KCND2: variants seen among roughly 807,000 people sequenced by gnomAD.
The protein encoded by KCND2 is potassium voltage-gated channel subfamily D member 2, also known as A-type voltage-gated potassium channel KCND2.
A neutral mutation model predicts 54.4 loss-of-function variants in KCND2; 16 were observed. The ratio of observed to expected loss-of-function variants is 0.29; its 90% CI spans 0.20 to 0.45. The LOEUF (loss-of-function observed/expected upper bound fraction) is 0.45, where lower values mean the gene tolerates loss of function less well. Ranked by LOEUF, KCND2 falls within the 20% of genes least tolerant of loss-of-function variation. KCND2 has a pLI of 1.00. For missense variants in KCND2, 486 were observed against 824.2 expected, an observed-to-expected ratio of 0.59 and a Z score of 5.02; for synonymous variants, 317 against 310.7, an observed-to-expected ratio of 1.02 and a Z score of -0.21.
At chr7:120,512,863 C>T (rs910132848) in intron 1 of KCND2, among the ~76,000 whole-genome samples, 2 of 149,128 alleles carry the variant, frequency 1.3e-5, no homozygotes, top group African/African-American at 5.0e-5. Context: ...GGTGCTATCT[C>T]AGCTCACTGC....
chr7:120,688,606 C>G (rs1792232867), intron 1 of KCND2, among the ~76,000 whole-genome samples: 1 of 152,136 alleles, frequency 6.6e-6, no homozygotes, highest in Non-Finnish European at 1.5e-5. Flanking sequence ...GCAAATTAAG[C>G]TGCCACGGAT....
At chr7:120,445,825 T>A (rs115128745) in intron 1 of KCND2, among the ~76,000 whole-genome samples, 222 of 152,238 alleles carry the variant, frequency 1.5e-3, no homozygotes, top group African/African-American at 5.0e-3. Flanking sequence ...TTTTGAGGAC[T>A]TGATTTGTAA....
intron 1 of KCND2, among the ~76,000 whole-genome samples, chr7:120,578,057 G>C (rs984110362): frequency 1.3e-5 from 2 of 151,808 alleles, no homozygotes; most frequent in African/African-American, 2.4e-5. Context: ...AGAAGAAGAA[G>C]AAGAAGAACA....
intron 1 of KCND2, among the ~76,000 whole-genome samples, chr7:120,710,931 T>C (rs1423583447): frequency 6.6e-6 from 1 of 152,152 alleles, no homozygotes; most frequent in Non-Finnish European, 1.5e-5. Flanking sequence ...TTTTCATTAG[T>C]CATTTAGCTC....
At chr7:120,447,748 A>G (rs1392999059) in intron 1 of KCND2, among the ~76,000 whole-genome samples, 1 of 152,218 alleles carries the variant, frequency 6.6e-6, no homozygotes, top group East Asian at 1.9e-4. Context: ...CATAATTAGT[A>G]TTCTCAAATG....
At chr7:120,500,985 G>A (rs1457077492) in intron 1 of KCND2, among the ~76,000 whole-genome samples, 1 of 150,814 alleles carries the variant, frequency 6.6e-6, no homozygotes, top group African/African-American at 2.4e-5. Flanking sequence ...TGTCCTTTTT[G>A]TGTGAAAAAA....
Position 120,529,210 on chromosome 7 carries a change from C to T in KCND2, c.1116-203693C>T, listed in dbSNP as rs191514626. Among the ~76,000 whole-genome samples the T allele has an allele frequency of 1.5e-3, 228 of 152,202 alleles. 1 individual carries two copies. The highest frequency in any genetic ancestry group is 3.3e-3 in the Admixed American group (51 of 15,278). Reference sequence around the variant, plus strand: ...ACCCCTCTTGAGGTTCCCACAATCTCAGTTGTATTAAGGTTTGAGATTAGA... The same window carrying T: ...ACCCCTCTTGAGGTTCCCACAATCTTAGTTGTATTAAGGTTTGAGATTAGA... On this transcript the variant is annotated intron_variant, in intron 1 of 5. Coordinates refer to ENST00000331113, the MANE Select transcript of KCND2 (RefSeq NM_012281.3).
intron 1 of KCND2, among the ~76,000 whole-genome samples, chr7:120,566,289 C>T (rs1016515588): frequency 6.6e-6 from 1 of 152,104 alleles, no homozygotes; most frequent in African/African-American, 2.4e-5. Flanking sequence ...ATTAATACAT[C>T]TTTTAAAATA....
chr7:120,485,126 G>T (rs1357066864), intron 1 of KCND2, among the ~76,000 whole-genome samples: 1 of 152,142 alleles, frequency 6.6e-6, no homozygotes, highest in Non-Finnish European at 1.5e-5. Flanking sequence ...GGGCTCAAGT[G>T]ATCCTCCAGC....
At chr7:120,385,413 A>T (rs1336842846) in intron 1 of KCND2, among the ~76,000 whole-genome samples, 1 of 152,144 alleles carries the variant, frequency 6.6e-6, no homozygotes, top group Non-Finnish European at 1.5e-5. Flanking sequence ...CTAGGGACTT[A>T]GTAAATGTTG....
At chr7:120,678,259 T>C (rs553238274) in intron 1 of KCND2, among the ~76,000 whole-genome samples, 35 of 150,802 alleles carry the variant, frequency 2.3e-4, no homozygotes, top group Admixed American at 2.2e-3. Context: ...CCCAATTTCC[T>C]GTATGCATTC....
At chr7:120,502,545 A>T (rs1562857084) in intron 1 of KCND2, among the ~76,000 whole-genome samples, 1 of 152,052 alleles carries the variant, frequency 6.6e-6, no homozygotes, top group Non-Finnish European at 1.5e-5. Flanking sequence ...TCCTTCAGCA[A>T]CATCCAGGAA....
intron 1 of KCND2, among the ~76,000 whole-genome samples, chr7:120,431,491 G>T (rs1340834362): frequency 6.6e-6 from 1 of 152,142 alleles, no homozygotes; most frequent in African/African-American, 2.4e-5. Flanking sequence ...TAGTGAAGGT[G>T]GGCTTGCTGA....
chr7:120,565,677 A>G (rs1445615322), intron 1 of KCND2, among the ~76,000 whole-genome samples: 1 of 152,188 alleles, frequency 6.6e-6, no homozygotes, highest in Non-Finnish European at 1.5e-5. Flanking sequence ...GTGCATATCT[A>G]TTAAGTCAGT....
intron 1 of KCND2, among the ~76,000 whole-genome samples, chr7:120,402,510 C>T (rs1362218858): frequency 6.6e-6 from 1 of 152,052 alleles, no homozygotes; most frequent in Non-Finnish European, 1.5e-5. Flanking sequence ...TTGAAGGAGG[C>T]AGTATCAAGT....
chr7:120,636,604 A>G (rs989707902), intron 1 of KCND2, among the ~76,000 whole-genome samples: 1 of 152,066 alleles, frequency 6.6e-6, no homozygotes, highest in Non-Finnish European at 1.5e-5. Context: ...TTACCAAGTG[A>G]AGCTGTACTT....
intron 1 of KCND2, among the ~76,000 whole-genome samples, chr7:120,342,565 T>C (rs775355324): frequency 3.9e-5 from 6 of 152,174 alleles, no homozygotes; most frequent in Non-Finnish European, 7.4e-5. Flanking sequence ...TTGTATTGTA[T>C]ATTACAACAT....
At chr7:120,428,387 A>C (rs1341747054) in intron 1 of KCND2, among the ~76,000 whole-genome samples, 1 of 152,222 alleles carries the variant, frequency 6.6e-6, no homozygotes, top group Non-Finnish European at 1.5e-5. Context: ...ACTAAGTGTT[A>C]ACTAAGGTGA....
rs145338258 is a variant in KCND2 at position 120,583,858 on chromosome 7, G to T, written c.1116-149045G>T. ...TGTGTGAAAAAAAGCAATATAGAAA[G>T]AGAAGAGAGACATTAAACTTTGAGG... On this transcript the variant is annotated intron_variant, in intron 1 of 5. Coordinates refer to ENST00000331113, the MANE Select transcript of KCND2 (RefSeq NM_012281.3). Among the ~76,000 whole-genome samples the T allele has an allele frequency of 4.6e-3, 704 of 151,722 alleles. 2 individuals carry two copies. Among genetic ancestry groups the T allele is most frequent in the African/African-American group, 0.016 (647 of 41,224 alleles).
Sources: allele counts gnomAD v4.1 joint callset (sites outside exome capture counted in the v4.1 genomes callset), GRCh38; gene constraint gnomAD v4.1.1; transcripts MANE v1.5; gene names NCBI Gene and HGNC (gene_info 2026-07-23, HGNC 2026-07-21).